The following CNBD1 variants were observed in gnomAD, a reference collection of about 807,000 sequenced individuals.
CNBD1 encodes cyclic nucleotide-binding domain-containing protein 1.
A neutral mutation model predicts 54.4 loss-of-function variants in CNBD1; 71 were observed. The ratio of observed to expected loss-of-function variants is 1.30; its 90% CI spans 1.08 to 1.59. The LOEUF (loss-of-function observed/expected upper bound fraction) is 1.59. Among genes scored for constraint, CNBD1 ranks in the 40% most tolerant of loss-of-function variants. The probability of loss-of-function intolerance (pLI) is 0.00; values close to 1 mark genes in which losing one functional copy is unlikely to be tolerated. For missense variants in CNBD1, 659 were observed against 518.0 expected (o/e 1.27, Z -2.64); for synonymous variants, 182 against 170.7 (o/e 1.07, Z -0.51).
chr8:87,030,663 A>T (rs1045711802), intron 4 of CNBD1, among the ~76,000 whole-genome samples: 1 of 152,130 alleles, frequency 6.6e-6, no homozygotes, highest in Admixed American at 6.5e-5. Context: ...GCACTGTATC[A>T]TTACTGTTCT....
intron 4 of CNBD1, among the ~76,000 whole-genome samples, chr8:87,028,621 G>T (rs1044682355): frequency 6.6e-6 from 1 of 152,184 alleles, no homozygotes; most frequent in Non-Finnish European, 1.5e-5. Context: ...GGTAAGAAAT[G>T]TAACAATGTG....
chr8:86,873,738 A>G (rs1014869448), intron 1 of CNBD1, among the ~76,000 whole-genome samples: 1 of 152,136 alleles, frequency 6.6e-6, no homozygotes, highest in Non-Finnish European at 1.5e-5. Context: ...TTTTTCTATT[A>G]TGAATGATAT....
intron 2 of CNBD1, among the ~76,000 whole-genome samples, chr8:87,425,829 A>T (rs1808037085): frequency 6.6e-6 from 1 of 151,956 alleles, no homozygotes; most frequent in Non-Finnish European, 1.5e-5. Flanking sequence ...GGCCTCCTTG[A>T]GCTGTGGTGG....
intron 10 of CNBD1, among the ~76,000 whole-genome samples, chr8:87,376,487 C>T (rs903447224): frequency 5.3e-5 from 8 of 151,866 alleles, no homozygotes; most frequent in Non-Finnish European, 1.0e-4. Context: ...GCCCATGACA[C>T]ATGCTAACTT....
intron 6 of CNBD1, among the ~76,000 whole-genome samples, chr8:87,237,930 G>A (rs1807615185): frequency 6.6e-6 from 1 of 152,090 alleles, no homozygotes; most frequent in Non-Finnish European, 1.5e-5. Flanking sequence ...GTTTCTGATT[G>A]TCTTCTTGTT....
chr8:86,874,986 T>TTATTTATATA (rs1554626870), intron 1 of CNBD1, among the ~76,000 whole-genome samples: 1 of 120,120 alleles, frequency 8.3e-6, no homozygotes, highest in Non-Finnish European at 1.7e-5. Context: ...GTAAATCAAT[T>TTATTTATATA]TATATATATA....
In CNBD1 at chr8:86,903,253, A is replaced by C. The variant is rs553734707; in HGVS notation, c.159-1828A>C. Among the ~76,000 whole-genome samples, 15 of 152,276 alleles carry C rather than the reference A, an allele frequency of 9.9e-5. No homozygotes were observed. The East Asian group carries it at 2.5e-3, about 25-fold the overall frequency. On this transcript the variant is annotated intron_variant, in intron 2 of 10. Transcript: ENST00000518476. ...GAAGGAGGCAGCTAACTAAGGTTAT[A>C]CACATAAAGTGTATAAGTGTAACTA...
intron 6 of CNBD1, among the ~76,000 whole-genome samples, chr8:87,252,038 T>C (rs1227377696): frequency 6.6e-6 from 1 of 152,154 alleles, no homozygotes; most frequent in African/African-American, 2.4e-5. Context: ...TTGAGTGTTT[T>C]TGAAGAAACA....
At chr8:87,382,035 TAAA>T (rs1811087328) in intron 10 of CNBD1, among the ~76,000 whole-genome samples, 1 of 151,818 alleles carries the variant, frequency 6.6e-6, no homozygotes, top group Admixed American at 6.6e-5. Flanking sequence ...TTTTAAAAAA[TAAA>T]TAGAAGAGTG....
chr8:87,114,300 C>T (rs761011270), intron 4 of CNBD1, among the ~76,000 whole-genome samples: 13 of 152,134 alleles, frequency 8.5e-5, no homozygotes, highest in Non-Finnish European at 1.8e-4. Context: ...ATGATTGCTT[C>T]TTGACTATTT....
chr8:87,136,004 A>G (rs571425861), intron 4 of CNBD1, among the ~76,000 whole-genome samples: 1 of 152,092 alleles, frequency 6.6e-6, no homozygotes, highest in South Asian at 2.1e-4. Flanking sequence ...TTGTTCAAAA[A>G]CCTATAATAG....
At chr8:86,943,649 G>A (rs183772382) in intron 4 of CNBD1, among the ~76,000 whole-genome samples, 3 of 152,236 alleles carry the variant, frequency 2.0e-5, no homozygotes, top group African/African-American at 4.8e-5. Context: ...GTGGGAGGGA[G>A]AGAGGAGACA....
intron 2 of CNBD1, among the ~76,000 whole-genome samples, chr8:86,890,058 A>C (rs1026037747): frequency 1.3e-5 from 2 of 152,154 alleles, no homozygotes; most frequent in African/African-American, 4.8e-5. Context: ...TAATTAAATC[A>C]ATATGTTTAA....
chr8:87,141,314 A>G (rs1275131849), intron 4 of CNBD1, among the ~76,000 whole-genome samples: 2 of 152,160 alleles, frequency 1.3e-5, no homozygotes, highest in African/African-American at 4.8e-5. Context: ...TAATGGAAGT[A>G]TAAGAGTTGC....
At chr8:87,015,191 G>A (rs986971211) in intron 4 of CNBD1, among the ~76,000 whole-genome samples, 2 of 151,966 alleles carry the variant, frequency 1.3e-5, no homozygotes, top group Non-Finnish European at 2.9e-5. Context: ...GTGGGGGAGG[G>A]GGCGAACGGA....
At chr8:86,901,871 T>C (rs4504655) in intron 2 of CNBD1, among the ~76,000 whole-genome samples, 50,981 of 151,870 alleles carry the variant, frequency 0.34, 8,687 homozygotes, top group East Asian at 0.41. Flanking sequence ...AGGGGAAGGG[T>C]GATCACTTAA....
In CNBD1 at chr8:87,046,465, T is replaced by C. The variant is rs141821775; in HGVS notation, c.431+106711T>C. ...AATTCCATCAGATGATGTTGCCATG[T>C]CAGTGGAGTTTAAAAATAATAGGTC... On this transcript the variant is annotated intron_variant, in intron 4 of 10. Transcript: ENST00000518476. Among the ~76,000 whole-genome samples, 347 of 152,250 alleles carry C rather than the reference T, an allele frequency of 2.3e-3. 1 individual carries two copies. The highest frequency in any genetic ancestry group is 7.2e-3 in the African/African-American group (298 of 41,552).
At chr8:86,982,190 C>T (rs1285114207) in intron 4 of CNBD1, among the ~76,000 whole-genome samples, 1 of 152,022 alleles carries the variant, frequency 6.6e-6, no homozygotes, top group Non-Finnish European at 1.5e-5. Context: ...GGCTTATTTG[C>T]CACTTATATG....
chr8:86,961,334 C>T (rs1250522011), intron 4 of CNBD1, among the ~76,000 whole-genome samples: 1 of 152,176 alleles, frequency 6.6e-6, no homozygotes, highest in African/African-American at 2.4e-5. Flanking sequence ...CAAACTTCCC[C>T]AGACTCCAAA....
Sources: gnomAD v4.1 joint callset for allele counts (sites outside exome capture counted in the v4.1 genomes callset) on GRCh38, gnomAD v4.1.1 for gene constraint, MANE v1.5 for transcripts, NCBI Gene and HGNC (gene_info 2026-07-23, HGNC 2026-07-21) for gene names.